Variants in PCDH9 observed in about 807,000 individuals in gnomAD.
The protein encoded by PCDH9 is protocadherin-9.
A neutral mutation model predicts 70.6 loss-of-function variants in PCDH9; 24 were observed. That is an observed-to-expected ratio of 0.34 (90% confidence interval 0.25 to 0.48). The LOEUF (loss-of-function observed/expected upper bound fraction) is 0.48. Ranked by LOEUF, PCDH9 falls within the 20% of genes least tolerant of loss-of-function variation. The probability of loss-of-function intolerance (pLI) is 0.99; values close to 1 mark genes in which losing one functional copy is unlikely to be tolerated. For missense variants in PCDH9, 1,281 were observed against 1,503.6 expected (o/e 0.85, Z 2.45); for synonymous variants, 562 against 558.5 (o/e 1.01, Z -0.09).
chr13:66,453,528 C>G (rs1017382621), intron 4 of PCDH9, among the ~76,000 whole-genome samples: 1 of 152,180 alleles, frequency 6.6e-6, no homozygotes, highest in Non-Finnish European at 1.5e-5. Flanking sequence ...CTTTGTTCCT[C>G]CAAGTGCCTA....
chr13:66,655,558 T>A (rs187893464), intron 3 of PCDH9, among the ~76,000 whole-genome samples: 15 of 152,136 alleles, frequency 9.9e-5, no homozygotes, highest in African/African-American at 3.6e-4. Flanking sequence ...TTATAATGCA[T>A]GAATTTAATA....
intron 3 of PCDH9, among the ~76,000 whole-genome samples, chr13:66,727,887 A>G (rs1003153098): frequency 5.3e-5 from 8 of 152,200 alleles, no homozygotes; most frequent in African/African-American, 1.9e-4. Context: ...TAGAGACTAC[A>G]GAAGTCTCTA....
intron 3 of PCDH9, among the ~76,000 whole-genome samples, chr13:66,824,658 AT>A (rs2080779643): frequency 2.0e-4 from 5 of 25,606 alleles, no homozygotes; most frequent in African/African-American, 5.7e-4. Context: ...TCTGATATAT[AT>A]ATATATATAT....
chr13:66,573,327 C>A (rs1211342751), intron 4 of PCDH9, among the ~76,000 whole-genome samples: 1 of 140,138 alleles, frequency 7.1e-6, no homozygotes, highest in East Asian at 2.2e-4. Flanking sequence ...GGTTACTAAT[C>A]CTTTGTTGGA....
intron 4 of PCDH9, among the ~76,000 whole-genome samples, chr13:66,553,326 G>C (rs1249536422): frequency 1.3e-5 from 2 of 152,114 alleles, no homozygotes; most frequent in African/African-American, 4.8e-5. Context: ...TTGTGGAATG[G>C]ATTATTGATT....
chr13:66,811,253 G>A (rs901518843), intron 3 of PCDH9, among the ~76,000 whole-genome samples: 4 of 152,088 alleles, frequency 2.6e-5, no homozygotes, highest in Non-Finnish European at 4.4e-5. Context: ...CAAGTGGAAA[G>A]AGATATTCTT....
chr13:66,970,410 C>G (rs2083499779), intron 2 of PCDH9, among the ~76,000 whole-genome samples: 1 of 151,676 alleles, frequency 6.6e-6, no homozygotes, highest in South Asian at 2.1e-4. Context: ...GGGTGGATCA[C>G]TTGAGGCCAG....
At chr13:66,607,475 C>A (rs2077235733) in intron 4 of PCDH9, among the ~76,000 whole-genome samples, 1 of 151,894 alleles carries the variant, frequency 6.6e-6, no homozygotes, top group Non-Finnish European at 1.5e-5. Flanking sequence ...CATTATAGAG[C>A]CCCTACAATA....
chr13:66,730,106 G>A (rs1185705803), intron 3 of PCDH9, among the ~76,000 whole-genome samples: 1 of 152,062 alleles, frequency 6.6e-6, no homozygotes, highest in East Asian at 1.9e-4. Context: ...GTAGAGACAG[G>A]ATTTTCTGTA....
chr13:67,153,434 G>A (rs1026363348), intron 2 of PCDH9, among the ~76,000 whole-genome samples: 1 of 152,064 alleles, frequency 6.6e-6, no homozygotes, highest in Admixed American at 6.5e-5. Context: ...CTTCCCAAGC[G>A]TGGGGATTAT....
At chr13:66,803,931 T>G (rs4412870) in intron 3 of PCDH9, among the ~76,000 whole-genome samples, 1 of 152,026 alleles carries the variant, frequency 6.6e-6, no homozygotes, top group Admixed American at 6.6e-5. Context: ...GTGATTTTCT[T>G]GGTGTAATAA....
At chr13:66,416,977 T>C (rs1051243541) in intron 4 of PCDH9, among the ~76,000 whole-genome samples, 1 of 152,220 alleles carries the variant, frequency 6.6e-6, no homozygotes, top group African/African-American at 2.4e-5. Flanking sequence ...TATGAAGTAT[T>C]GGACTATTTC....
At chr13:66,714,703 T>A (rs560459519) in intron 3 of PCDH9, among the ~76,000 whole-genome samples, 2 of 152,168 alleles carry the variant, frequency 1.3e-5, no homozygotes, top group African/African-American at 4.8e-5. Flanking sequence ...GTAATAAAAG[T>A]ATGAATTTAC....
chr13:67,161,456 C>CT (rs1171726181), intron 2 of PCDH9, among the ~76,000 whole-genome samples: 5 of 152,206 alleles, frequency 3.3e-5, no homozygotes, highest in Non-Finnish European at 5.9e-5. Flanking sequence ...TTAGCACCCT[C>CT]TGATTTCAGC....
intron 4 of PCDH9, among the ~76,000 whole-genome samples, chr13:66,382,669 G>A (rs534734768): frequency 2.1e-3 from 314 of 152,284 alleles, no homozygotes; most frequent in African/African-American, 6.7e-3. Context: ...GTTTAATAGT[G>A]AGGATTTCTG....
intron 2 of PCDH9, among the ~76,000 whole-genome samples, chr13:67,142,260 A>G: frequency 6.6e-6 from 1 of 152,186 alleles, no homozygotes; most frequent in East Asian, 1.9e-4. Context: ...ATAGACTTTT[A>G]TCTGGCTTCA....
At chr13:66,974,664 C>T (rs1286013622) in intron 2 of PCDH9, among the ~76,000 whole-genome samples, 1 of 152,022 alleles carries the variant, frequency 6.6e-6, no homozygotes, top group African/African-American at 2.4e-5. Flanking sequence ...ATGCGCCTAA[C>T]TCCTTAAAGC....
chr13:66,973,910 C>T (rs74093698), intron 2 of PCDH9, among the ~76,000 whole-genome samples: 4,062 of 151,356 alleles, frequency 0.027, 185 homozygotes, highest in African/African-American at 0.093. Context: ...AAAACAAACA[C>T]ATCTACACTT....
chr13:66,303,780 T>C lies in PCDH9; in HGVS notation c.*875A>G, dbSNP rs945975776. ...ACTTTGAAAATAAGATGATAAAAAA[T>C]AGGTTCTGAATTTCCAAGCTTTTGC... On this transcript the variant is annotated 3_prime_UTR_variant, in exon 5 of 5. Coordinates refer to ENST00000377865, the MANE Select transcript of PCDH9 (RefSeq NM_203487.3). 1.3e-5 allele frequency: 2 copies of C among 152,292 alleles called. No homozygotes were observed. The highest frequency in any genetic ancestry group is 3.9e-4 in the East Asian group (2 of 5,182). 9.4% of individuals were successfully genotyped at this position (152,292 alleles called of 1,614,324 possible). A position where few individuals can be genotyped will look rare whatever the true frequency, so the allele number is the denominator to read the frequency against.
Sources: allele counts gnomAD v4.1 joint callset (sites outside exome capture counted in the v4.1 genomes callset), GRCh38; gene constraint gnomAD v4.1.1; transcripts MANE v1.5; gene names NCBI Gene and HGNC (gene_info 2026-07-23, HGNC 2026-07-21).